Variants in TCEA3 observed in about 807,000 individuals in gnomAD.
TCEA3 encodes the protein transcription elongation factor A3.
Under a neutral mutation model 44.0 loss-of-function variants are expected in TCEA3, and 36 were observed. That is an observed-to-expected ratio of 0.82 (90% CI 0.63 to 1.08). The LOEUF is 1.08. TCEA3 is among the 50% of genes least tolerant of loss of function. TCEA3 has a pLI of 0.00. For synonymous variants in TCEA3, 162 were observed against 159.7 expected (o/e 1.01, Z -0.11); for missense variants, 392 against 441.2 (o/e 0.89, Z 1.00).
intron 1 of TCEA3, among the ~76,000 whole-genome samples, chr1:23,424,199 C>G (rs935120129): frequency 2.8e-5 from 4 of 143,644 alleles, no homozygotes; most frequent in African/African-American, 1.0e-4. Flanking sequence ...GCTCCCCGGG[C>G]TTTGCACACG....
At chr1:23,383,962 G>T in intron 10 of TCEA3, 1 of 1,057,682 alleles carries the variant, frequency 9.5e-7, no homozygotes, top group Non-Finnish European at 1.1e-6. Flanking sequence ...CTTGGCTGTG[G>T]CCAGGTTCAA....
intron 4 of TCEA3, among the ~76,000 whole-genome samples, chr1:23,413,147 C>CT (rs923019740): frequency 8.0e-5 from 12 of 150,708 alleles, no homozygotes; most frequent in East Asian, 2.0e-4. Flanking sequence ...TTCTTTTTTT[C>CT]TTTTTTTTTA....
intron 8 of TCEA3, among the ~76,000 whole-genome samples, chr1:23,389,564 C>T (rs1039055331): frequency 6.6e-6 from 1 of 151,218 alleles, no homozygotes; most frequent in Admixed American, 6.6e-5. Context: ...GCAGGAGAAT[C>T]GCTTGAACCT....
chr1:23,395,687 G>C (rs550803191), intron 7 of TCEA3, among the ~76,000 whole-genome samples: 103 of 152,256 alleles, frequency 6.8e-4, no homozygotes, highest in African/African-American at 2.3e-3. Context: ...AATTAGCCAG[G>C]TGTGGTGGCG....
chr1:23,419,224 G>A, intron 1 of TCEA3, 85 bp from the exon 2 acceptor site: 1 of 1,031,536 alleles, frequency 9.7e-7, no homozygotes, highest in African/African-American at 1.6e-5. Flanking sequence ...ACAGAGAGCA[G>A]GAGGATACAG....
At chr1:23,423,556 T>C (rs940509044) in intron 1 of TCEA3, among the ~76,000 whole-genome samples, 3 of 152,162 alleles carry the variant, frequency 2.0e-5, no homozygotes, top group African/African-American at 7.2e-5. Context: ...GTCTCTTCCT[T>C]TCCCAGGCTC....
At chr1:23,420,966 C>G (rs1204650815) in intron 1 of TCEA3, among the ~76,000 whole-genome samples, 2 of 152,154 alleles carry the variant, frequency 1.3e-5, no homozygotes, top group African/African-American at 4.8e-5. Flanking sequence ...CCTTGGCCCA[C>G]AGTTCATGGT....
chr1:23,401,302 C>T (rs899756308), intron 5 of TCEA3, among the ~76,000 whole-genome samples: 7 of 152,298 alleles, frequency 4.6e-5, no homozygotes, highest in Admixed American at 3.3e-4. Context: ...GTAAGGTTTA[C>T]ATTTTGAATT....
intron 9 of TCEA3, 35 bp from the exon 10 acceptor site, chr1:23,384,452 C>G (rs761621616): frequency 5.0e-6 from 8 of 1,606,406 alleles, no homozygotes; most frequent in Non-Finnish European, 6.8e-6. Flanking sequence ...GAAGTCACTC[C>G]CCTGTTCTAG....
intron 2 of TCEA3, chr1:23,418,262 G>A (rs1570292819): frequency 2.1e-6 from 1 of 470,024 alleles, no homozygotes; most frequent in Middle Eastern, 5.8e-4. Context: ...TGAACCTAGG[G>A]TTGGGGGTGG....
intron 6 of TCEA3, 32 bp downstream of exon 6, chr1:23,397,760 C>G (rs746444769): frequency 6.2e-7 from 1 of 1,613,594 alleles, no homozygotes. Context: ...GGGACTCCTT[C>G]CCTCCCTCAT....
At chr1:23,402,552 C>T (rs1272983247) in intron 5 of TCEA3, among the ~76,000 whole-genome samples, 1 of 152,208 alleles carries the variant, frequency 6.6e-6, no homozygotes, top group African/African-American at 2.4e-5. Context: ...TCCTGGAATG[C>T]TCTTCCTCCT....
At chr1:23,406,379 C>T (rs1197133348) in intron 5 of TCEA3, among the ~76,000 whole-genome samples, 3 of 152,160 alleles carry the variant, frequency 2.0e-5, no homozygotes, top group Non-Finnish European at 4.4e-5. Context: ...AGGCCAACAC[C>T]CTTATCATCC....
chr1:23,402,178 A>G (rs181449746), intron 5 of TCEA3, among the ~76,000 whole-genome samples: 1 of 152,302 alleles, frequency 6.6e-6, no homozygotes, highest in Admixed American at 6.5e-5. Flanking sequence ...TGTCTGTACT[A>G]AACATATAAA....
At chr1:23,423,830 C>T in intron 1 of TCEA3, 1 of 456,066 alleles carries the variant, frequency 2.2e-6, no homozygotes, top group South Asian at 1.5e-5. Flanking sequence ...CCAGGACCCT[C>T]CGGTAGGGCT....
chr1:23,404,423 C>T (rs971709107), intron 5 of TCEA3, among the ~76,000 whole-genome samples: 1 of 152,002 alleles, frequency 6.6e-6, no homozygotes, highest in African/African-American at 2.4e-5. Context: ...ACGAAGCCTC[C>T]TTTGACTTTT....
chr1:23,387,955 T>C (rs1198447), intron 8 of TCEA3, among the ~76,000 whole-genome samples: 127,496 of 151,978 alleles, frequency 0.84, 54,535 homozygotes, highest in Non-Finnish European at 0.92. Context: ...GTTCATCTGA[T>C]GAGCATGCAT....
At chr1:23,401,967 C>T (rs550927701) in intron 5 of TCEA3, among the ~76,000 whole-genome samples, 12 of 152,258 alleles carry the variant, frequency 7.9e-5, no homozygotes, top group South Asian at 6.2e-4. Context: ...ATGGAAAAAC[C>T]GTCTTCTATG....
At chr1:23,405,932 A>C (rs868112199) in intron 5 of TCEA3, among the ~76,000 whole-genome samples, 22 of 152,272 alleles carry the variant, frequency 1.4e-4, no homozygotes, top group African/African-American at 4.6e-4. Context: ...GGCACTTGGC[A>C]TCTCTGGTTC....
Sources: gnomAD v4.1 joint callset for allele counts (sites outside exome capture counted in the v4.1 genomes callset) on GRCh38, gnomAD v4.1.1 for gene constraint, MANE v1.5 for transcripts, NCBI Gene and HGNC (gene_info 2026-07-23, HGNC 2026-07-21) for gene names.